The following HBP1 variants were observed in gnomAD, a reference collection of about 807,000 sequenced individuals.
HBP1 encodes the protein HMG-box transcription factor 1.
In HBP1, 20 loss-of-function variants were observed where a neutral mutation model predicts 62.6. The ratio of observed to expected loss-of-function variants is 0.32; its 90% CI spans 0.22 to 0.46. The LOEUF (loss-of-function observed/expected upper bound fraction) is 0.46, where lower values mean the gene tolerates loss of function less well. Among genes scored for constraint, HBP1 ranks in the 20% least tolerant of loss-of-function variants. The pLI, the probability that HBP1 is intolerant of heterozygous loss-of-function variation, is 1.00. For missense variants in HBP1, 480 were observed against 611.8 expected (o/e 0.78, Z 2.27); for synonymous variants, 232 against 206.2 (o/e 1.12, Z -1.07).
In HBP1 at chr7:107,195,977, G is replaced by T. The variant is rs376722004; in HGVS notation, c.1211G>T (p.Gly404Val). ...TTCAGTAAAAACTGTGGCTCACCTGGATCATCACAGCTCTCTTCCAATTCT... is the reference window on the plus strand; with the variant it reads ...TTCAGTAAAAACTGTGGCTCACCTGTATCATCACAGCTCTCTTCCAATTCT... ...SGFSKNCGSP[G>V]SSQLSSNSLY... Residue 404 changes from glycine to valine, a missense_variant, in exon 9 of 11, where the codon GGA (glycine) becomes GTA (valine). This residue lies in a region of HBP1 where 66 missense variants were observed against 56.4 expected (regional missense o/e 1.17). Transcript: ENST00000222574. 1 of 1,613,958 alleles carries T rather than the reference G, an allele frequency of 6.2e-7. No individual in the cohort carries two copies. Among genetic ancestry groups the T allele is most frequent in the African/African-American group, 1.3e-5 (1 of 74,894 alleles).
rs957109188 is a variant in HBP1, at chr7:107,189,598, T to C, written c.922+150T>C. ...AAACTACCATAGGGAATGCTTATAA[T>C]AATACCTAATGGTGCGTAAGTATCT... On this transcript the variant is annotated intron_variant, in intron 7 of 10. Coordinates refer to ENST00000222574, the MANE Select transcript of HBP1 (RefSeq NM_012257.4). 3.0e-5 allele frequency: 18 copies of C among 603,948 alleles called. No homozygotes were observed. The African/African-American group carries it at 3.4e-4, about 11-fold the overall frequency. 37.4% of individuals were successfully genotyped at this position (603,948 alleles called of 1,614,324 possible).
chr7:107,198,663 AGCT>A (rs1180194011), intron 9 of HBP1, among the ~76,000 whole-genome samples: 1 of 149,494 alleles, frequency 6.7e-6, no homozygotes, highest in East Asian at 2.0e-4. Context: ...TCTCTAATAA[AGCT>A]GCCTTAATTC....
At chr7:107,173,263 C>A (rs1363335272) in intron 1 of HBP1, among the ~76,000 whole-genome samples, 1 of 152,186 alleles carries the variant, frequency 6.6e-6, no homozygotes, top group African/African-American at 2.4e-5. Context: ...TCTTCACCTA[C>A]TCTTTGAAAA....
intron 1 of HBP1, among the ~76,000 whole-genome samples, chr7:107,175,034 G>C (rs796517675): frequency 9.2e-5 from 14 of 151,986 alleles, no homozygotes; most frequent in African/African-American, 3.4e-4. Flanking sequence ...AGCTGGAGAC[G>C]GGTGGCTTTC....
At chr7:107,176,655 G>C (rs77150993) in intron 1 of HBP1, among the ~76,000 whole-genome samples, 9 of 150,566 alleles carry the variant, frequency 6.0e-5, no homozygotes, top group African/African-American at 2.0e-4. Context: ...GTATGATTTC[G>C]TGTGCCACAG....
At chr7:107,191,071 T>C (rs1797626511) in intron 8 of HBP1, among the ~76,000 whole-genome samples, 1 of 152,170 alleles carries the variant, frequency 6.6e-6, no homozygotes, top group Middle Eastern at 3.2e-3. Flanking sequence ...GACTCATTCT[T>C]TCTTTAAGAT....
chr7:107,189,994 A>G lies in HBP1; in HGVS notation c.923-179A>G, dbSNP rs953608919. ...TAAGCTAGTTTTGGAGGGCTTTTAC[A>G]TTGCTGAAAGGAAATACTTATCTAG... On this transcript the variant is annotated intron_variant, in intron 7 of 10. Transcript: ENST00000222574. 3.4e-5 allele frequency: 16 copies of G among 473,832 alleles called. No homozygotes were observed. The Admixed American group carries it at 4.9e-4, about 14-fold the overall frequency. The allele number at this position is 473,832 out of a possible 1,614,324, so 29.4% of individuals were successfully genotyped here.
intron 1 of HBP1, among the ~76,000 whole-genome samples, chr7:107,178,927 G>A (rs1032585128): frequency 6.6e-6 from 1 of 152,144 alleles, no homozygotes; most frequent in African/African-American, 2.4e-5. Context: ...CCAGCTACTA[G>A]GGAGGGTTAG....
chr7:107,202,211 G>GTATCT lies in HBP1; in HGVS notation c.*783_*787dup, dbSNP rs1342194542. The GTATCT allele has an allele frequency of 3.3e-5, 5 of 152,458 alleles. No homozygotes were observed. The highest frequency in any genetic ancestry group is 3.3e-4 in the Admixed American group (5 of 15,252). The allele number at this position is 152,458 out of a possible 1,614,324, so 9.4% of individuals were successfully genotyped here. A position where few individuals can be genotyped will look rare whatever the true frequency, so the allele number is the denominator to read the frequency against. ...TCGTGTTCTGTATCTCCTCAGCCAT[G>GTATCT]TATCTTAAATATATTTTGTCATCAT... On this transcript the variant is annotated 3_prime_UTR_variant, in exon 11 of 11. Coordinates refer to ENST00000222574, the MANE Select transcript of HBP1 (RefSeq NM_012257.4).
chr7:107,170,974 C>CACATGTATATATATAAAATATATAACAT, intron 1 of HBP1, among the ~76,000 whole-genome samples: 1 of 125,898 alleles, frequency 7.9e-6, no homozygotes, highest in Non-Finnish European at 1.7e-5. Context: ...AAATATATAA[C>CACATGTATATATATAAAATATATAACAT]ATACATGTAT....
rs977452302 is a variant in HBP1, at chr7:107,174,491, A to G, written c.-16+5306A>G. ...TGATAACTAAGACAAAGTGCTGAAG[A>G]AATGATAGAAGTTGCAAAGAGACGT... On this transcript the variant is annotated intron_variant, in intron 1 of 10. Coordinates refer to ENST00000222574, the MANE Select transcript of HBP1 (RefSeq NM_012257.4). 22 of 985,270 alleles carry G rather than the reference A, an allele frequency of 2.2e-5. No homozygotes were observed. In the African/African-American group the frequency reaches 3.5e-4, roughly 16 times the overall value. 61.0% of individuals were successfully genotyped at this position (985,270 alleles called of 1,614,324 possible). A position where few individuals can be genotyped will look rare whatever the true frequency, so the allele number is the denominator to read the frequency against.
chr7:107,190,367 T>C (rs1275922600), intron 8 of HBP1, 50 bp downstream of exon 8: 4 of 1,307,966 alleles, frequency 3.1e-6, no homozygotes, highest in Non-Finnish European at 4.3e-6. Context: ...AGTTTGCCCT[T>C]CATTTCCCTA....
chr7:107,196,840 G>GT (rs771750192), intron 9 of HBP1: 2 of 153,178 alleles, frequency 1.3e-5, no homozygotes, highest in Non-Finnish European at 2.9e-5. Context: ...AGATAGGGTT[G>GT]TGCCATGTTG....
chr7:107,190,765 A>G (rs192208469), intron 8 of HBP1, among the ~76,000 whole-genome samples: 22 of 152,324 alleles, frequency 1.4e-4, no homozygotes, highest in Non-Finnish European at 2.8e-4. Context: ...CATTAGTTGC[A>G]TGGTTTAACA....
At chr7:107,186,547 G>A (rs2066759) in intron 5 of HBP1, 22 bp from the exon 6 acceptor site, 52 of 1,567,750 alleles carry the variant, frequency 3.3e-5, no homozygotes, top group Middle Eastern at 3.3e-4. Flanking sequence ...TGTCTAATAC[G>A]TGTTTTCTAC....
At chr7:107,173,786 T>C (rs1796714013) in intron 1 of HBP1, among the ~76,000 whole-genome samples, 1 of 152,132 alleles carries the variant, frequency 6.6e-6, no homozygotes, top group African/African-American at 2.4e-5. Flanking sequence ...TTCTGGAAAA[T>C]AGATACTGAG....
intron 3 of HBP1, 66 bp from the exon 4 acceptor site, chr7:107,185,735 T>G: frequency 1.5e-5 from 20 of 1,307,350 alleles, no homozygotes; most frequent in Non-Finnish European, 2.2e-5. Flanking sequence ...ATGAAGTTCT[T>G]TCATTAATAG....
intron 4 of HBP1, among the ~76,000 whole-genome samples, 195 bp from the exon 5 acceptor site, chr7:107,186,166 C>CTTTTTTTTTTTTTTTTTTT (rs80124304): frequency 8.6e-5 from 10 of 116,064 alleles, no homozygotes; most frequent in Non-Finnish European, 1.4e-4. Context: ...CTTTTTTTTT[C>CTTTTTTTTTTTTTTTTTTT]TTTTTTTTTT....
chr7:107,180,103 T>G (rs1420336971), intron 2 of HBP1, 41 bp downstream of exon 2: 1 of 1,340,660 alleles, frequency 7.5e-7, no homozygotes, highest in Admixed American at 1.8e-5. Context: ...TCACTAAGAT[T>G]CAGATAAATT....
Sources: gnomAD v4.1 joint callset for allele counts (sites outside exome capture counted in the v4.1 genomes callset) on GRCh38, gnomAD v4.1.1 for gene constraint, gnomAD v4.1.1 regional missense constraint, MANE v1.5 for transcripts, NCBI Gene and HGNC (gene_info 2026-07-23, HGNC 2026-07-21) for gene names.